The following AFAP1L2 variants were observed in gnomAD, a reference collection of about 807,000 sequenced individuals.
The protein encoded by AFAP1L2 is actin filament associated protein 1 like 2.
AFAP1L2 carries 46 observed loss-of-function variants against 99.3 expected under a neutral mutation model. The observed-to-expected ratio is 0.46, with a 90% CI of 0.37 to 0.59. The LOEUF (loss-of-function observed/expected upper bound fraction) is 0.59. AFAP1L2 is among the 20% of genes least tolerant of loss of function. The pLI is 0.00. For synonymous variants in AFAP1L2, 397 were observed against 419.1 expected, an observed-to-expected ratio of 0.95 and a Z score of 0.64; for missense variants, 959 against 1,034.9, an observed-to-expected ratio of 0.93 and a Z score of 1.01.
intron 16 of AFAP1L2, among the ~76,000 whole-genome samples, chr10:114,298,207 A>T (rs2040561204): frequency 6.6e-6 from 1 of 152,070 alleles, no homozygotes; most frequent in Admixed American, 6.5e-5. Flanking sequence ...GTGAAATCCC[A>T]TCTCTACTAA....
Position 114,348,932 on chromosome 10 carries a change from TA to T in AFAP1L2, c.17-8202del, listed in dbSNP as rs944965284. 2.6e-5 allele frequency among the ~76,000 whole-genome samples: 4 copies of T among 152,304 alleles called. No homozygotes were observed. The East Asian group carries it at 7.7e-4, about 29-fold the overall frequency. ...TCTTTTTACCTAATAAAATTATGTG[TA>T]AAAAAATGCAAACTTTCAAAGTGCT... is the stretch of plus-strand genomic sequence containing the variant. On this transcript the variant is annotated intron_variant, in intron 1 of 18. Transcript: ENST00000304129.
chr10:114,317,711 T>A (rs1032774015), intron 5 of AFAP1L2, among the ~76,000 whole-genome samples: 4 of 152,046 alleles, frequency 2.6e-5, no homozygotes, highest in African/African-American at 9.7e-5. Flanking sequence ...ATACAAAAAT[T>A]AGCTGGGCAT....
intron 12 of AFAP1L2, 129 bp from the exon 13 acceptor site, chr10:114,301,594 ACACT>A (rs1564791186): frequency 1.5e-6 from 1 of 671,032 alleles, no homozygotes; most frequent in South Asian, 1.7e-5. Flanking sequence ...CTGGGGGCTG[ACACT>A]CACCTCCATG....
In AFAP1L2 at chr10:114,398,936, G is replaced by A. The variant is rs1003682365; in HGVS notation, c.16+5504C>T. The A allele has an allele frequency of 4.6e-6, 6 of 1,303,886 alleles. No individual in the cohort carries two copies. The African/African-American group carries it at 7.6e-5, about 16-fold the overall frequency. 80.8% of individuals were successfully genotyped at this position (1,303,886 alleles called of 1,614,324 possible). A position where few individuals can be genotyped will look rare whatever the true frequency, so the allele number is the denominator to read the frequency against. Reference sequence around the variant, plus strand: ...TAGACAGAAATAAGGCTCAAGTCGGGAAAGCCAAGGGTGGCCACTGTGGGC... The same window carrying A: ...TAGACAGAAATAAGGCTCAAGTCGGAAAAGCCAAGGGTGGCCACTGTGGGC... On this transcript the variant is annotated intron_variant, in intron 1 of 18. Transcript: ENST00000304129.
chr10:114,353,851 G>A (rs1282665338), intron 1 of AFAP1L2, among the ~76,000 whole-genome samples: 1 of 152,238 alleles, frequency 6.6e-6, no homozygotes, highest in East Asian at 1.9e-4. Flanking sequence ...AGAAAAAAAA[G>A]GGTGGAAATG....
chr10:114,301,489 A>C, intron 12 of AFAP1L2, 24 bp from the exon 13 acceptor site: 1 of 1,552,562 alleles, frequency 6.4e-7, no homozygotes, highest in Non-Finnish European at 8.9e-7. Context: ...GAGGTGGCAC[A>C]CATGAAGCAG....
At chr10:114,303,166 A>G (rs1372390620) in intron 11 of AFAP1L2, among the ~76,000 whole-genome samples, 2 of 152,058 alleles carry the variant, frequency 1.3e-5, no homozygotes, top group African/African-American at 4.8e-5. Context: ...CTGCCCATTT[A>G]ATCAAAGCTA....
chr10:114,324,502 T>C (rs561654289), intron 4 of AFAP1L2, among the ~76,000 whole-genome samples: 1 of 151,794 alleles, frequency 6.6e-6, no homozygotes, highest in Admixed American at 6.6e-5. Flanking sequence ...CTGCCCGCCT[T>C]GGCCTCCCAA....
At chr10:114,376,814 G>C (rs1286405883) in intron 1 of AFAP1L2, among the ~76,000 whole-genome samples, 1 of 152,136 alleles carries the variant, frequency 6.6e-6, no homozygotes, top group African/African-American at 2.4e-5. Flanking sequence ...GAAGACTTAA[G>C]AATAGAGAAA....
upstream of AFAP1L2, chr10:114,404,784 T>A: frequency 3.5e-6 from 1 of 282,346 alleles, no homozygotes; most frequent in Non-Finnish European, 6.5e-6. Flanking sequence ...TCCGGGGGCG[T>A]CGAGAGGGAA....
intron 1 of AFAP1L2, among the ~76,000 whole-genome samples, chr10:114,369,512 G>A (rs1383329483): frequency 2.7e-5 from 4 of 150,656 alleles, no homozygotes; most frequent in South Asian, 2.1e-4. Context: ...GGAGAATGGC[G>A]TGAACCCGGG....
At chr10:114,307,737 G>A in intron 10 of AFAP1L2, 68 bp downstream of exon 10, 1 of 1,372,292 alleles carries the variant, frequency 7.3e-7, no homozygotes, top group Non-Finnish European at 1.0e-6. Context: ...CGCTGTCTGA[G>A]CTCGCCTTCC....
At chr10:114,309,919 G>T (rs2042964302) in intron 8 of AFAP1L2, among the ~76,000 whole-genome samples, 1 of 152,018 alleles carries the variant, frequency 6.6e-6, no homozygotes, top group Non-Finnish European at 1.5e-5. Context: ...AGCAGTGTAT[G>T]TTTCTTCTTC....
In AFAP1L2 at chr10:114,295,836, A is replaced by G. The variant is rs1243682436; in HGVS notation, c.*206T>C. ...TACATCCAATAGACTTAGGTCTCCAAAGAAGCCTCCTTTTTGTTGTATTAT... is the reference window on the plus strand; with the variant it reads ...TACATCCAATAGACTTAGGTCTCCAGAGAAGCCTCCTTTTTGTTGTATTAT... On this transcript the variant is annotated 3_prime_UTR_variant, in exon 19 of 19. Transcript: ENST00000304129. 4.3e-6 allele frequency: 6 copies of G among 1,401,724 alleles called. No homozygotes were observed. The highest frequency in any genetic ancestry group is 3.0e-5 in the Admixed American group (1 of 32,824). 86.8% of individuals were successfully genotyped at this position (1,401,724 alleles called of 1,614,324 possible). A position where few individuals can be genotyped will look rare whatever the true frequency, so the allele number is the denominator to read the frequency against.
intron 1 of AFAP1L2, among the ~76,000 whole-genome samples, chr10:114,375,211 T>C (rs1054254965): frequency 5.9e-5 from 9 of 152,232 alleles, no homozygotes; most frequent in Admixed American, 5.9e-4. Context: ...TAGATATTTA[T>C]TGGAACACAG....
At chr10:114,292,167 C>T (rs1160504413), downstream of AFAP1L2, among the ~76,000 whole-genome samples, 5 of 151,954 alleles carry the variant, frequency 3.3e-5, no homozygotes. Flanking sequence ...ATCCCAGCTA[C>T]TCGGGAGGCT....
chr10:114,350,247 T>C (rs74157587), intron 1 of AFAP1L2, among the ~76,000 whole-genome samples: 4,892 of 152,262 alleles, frequency 0.032, 134 homozygotes, highest in African/African-American at 0.075. Flanking sequence ...ACATCCACTC[T>C]GTCTGGAACT....
intron 18 of AFAP1L2, chr10:114,296,714 C>T (rs2040287718): frequency 4.4e-6 from 2 of 449,594 alleles, no homozygotes; most frequent in African/African-American, 2.0e-5. Flanking sequence ...GGAATCTACC[C>T]ATAGCTGTGT....
At chr10:114,309,820 A>G (rs529608017) in intron 8 of AFAP1L2, among the ~76,000 whole-genome samples, 1 of 151,848 alleles carries the variant, frequency 6.6e-6, no homozygotes, top group East Asian at 1.9e-4. Context: ...CCATTCGCCC[A>G]CCCCCGGCAC....
Sources: gnomAD v4.1 joint callset for allele counts (sites outside exome capture counted in the v4.1 genomes callset) on GRCh38, gnomAD v4.1.1 for gene constraint, MANE v1.5 for transcripts, NCBI Gene and HGNC (gene_info 2026-07-23, HGNC 2026-07-21) for gene names.